The following TPRG1 variants were observed in gnomAD, a reference collection of about 807,000 sequenced individuals.
TPRG1 encodes the protein tumor protein p63 regulated 1.
Under a neutral mutation model 29.3 loss-of-function variants are expected in TPRG1, and 29 were observed. The ratio of observed to expected loss-of-function variants is 0.99; its 90% CI spans 0.74 to 1.35. The LOEUF (loss-of-function observed/expected upper bound fraction) is 1.35, where lower values mean the gene tolerates loss of function less well. Ranked by LOEUF, TPRG1 falls within the 40% of genes most tolerant of loss-of-function variation. The probability of loss-of-function intolerance (pLI) is 0.00; values close to 1 mark genes in which losing one functional copy is unlikely to be tolerated. For missense variants in TPRG1, 327 were observed against 335.0 expected (o/e 0.98, Z 0.19); for synonymous variants, 130 against 116.8 (o/e 1.11, Z -0.73).
At chr3:189,003,353 T>G (rs73062685) in intron 2 of TPRG1, among the ~76,000 whole-genome samples, 2,283 of 152,250 alleles carry the variant, frequency 0.015, 63 homozygotes, top group African/African-American at 0.053. Flanking sequence ...GCCCCATGGC[T>G]CTGTGTCACT....
intron 3 of TPRG1, among the ~76,000 whole-genome samples, chr3:189,140,579 C>G (rs978189188): frequency 6.6e-6 from 1 of 152,134 alleles, no homozygotes; most frequent in Non-Finnish European, 1.5e-5. Context: ...TCTTGCACCC[C>G]GCTGGTGTCC....
chr3:189,167,308 G>A (rs762102334), upstream of TPRG1, among the ~76,000 whole-genome samples: 10 of 152,176 alleles, frequency 6.6e-5, no homozygotes, highest in Non-Finnish European at 1.2e-4. Flanking sequence ...GGTGGAGACT[G>A]TGGCAAGTTT....
chr3:189,000,216 T>C (rs1711961244), intron 1 of TPRG1, among the ~76,000 whole-genome samples: 2 of 152,134 alleles, frequency 1.3e-5, no homozygotes, highest in Admixed American at 1.3e-4. Flanking sequence ...TTACCTGCTA[T>C]TTTTGCTTCA....
At chr3:189,311,186 T>C (rs1722425175) in intron 5 of TPRG1, among the ~76,000 whole-genome samples, 3 of 152,180 alleles carry the variant, frequency 2.0e-5, no homozygotes, top group Non-Finnish European at 2.9e-5. Context: ...GCATTCTAAG[T>C]AGTCAAGAAG....
chr3:189,084,572 A>C (rs1717812109), intron 4 of TPRG1, among the ~76,000 whole-genome samples: 1 of 152,236 alleles, frequency 6.6e-6, no homozygotes, highest in African/African-American at 2.4e-5. Context: ...AACTTTGCTT[A>C]ATTAGGTTAA....
chr3:189,280,775 A>G (rs749689514), intron 4 of TPRG1, among the ~76,000 whole-genome samples: 2 of 152,196 alleles, frequency 1.3e-5, no homozygotes, highest in Non-Finnish European at 2.9e-5. Context: ...TTGCTCTGTA[A>G]TATATGAATG....
At chr3:189,135,101 G>A (rs1018381693) in intron 3 of TPRG1, among the ~76,000 whole-genome samples, 3 of 152,166 alleles carry the variant, frequency 2.0e-5, no homozygotes, top group Non-Finnish European at 4.4e-5. Flanking sequence ...TACTTCTGTC[G>A]TCAGATGCAG....
At chr3:189,073,442 G>A (rs932764917) in intron 4 of TPRG1, among the ~76,000 whole-genome samples, 8 of 151,780 alleles carry the variant, frequency 5.3e-5, no homozygotes, top group Non-Finnish European at 7.4e-5. Flanking sequence ...TCTTTTTTTC[G>A]CCCCTTTGGA....
At chr3:189,317,847 C>A (rs1284025252) in intron 5 of TPRG1, among the ~76,000 whole-genome samples, 1 of 152,092 alleles carries the variant, frequency 6.6e-6, no homozygotes, top group Non-Finnish European at 1.5e-5. Flanking sequence ...TATGTGTGTG[C>A]ATATATCTGC....
At chr3:189,256,000 GTC>G (rs913711438) in intron 4 of TPRG1, among the ~76,000 whole-genome samples, 1 of 151,856 alleles carries the variant, frequency 6.6e-6, no homozygotes, top group Non-Finnish European at 1.5e-5. Context: ...GGTTTTTTGT[GTC>G]TCTATCTCCT....
At chr3:189,039,065 A>G (rs1454010431) in intron 4 of TPRG1, among the ~76,000 whole-genome samples, 3 of 152,228 alleles carry the variant, frequency 2.0e-5, no homozygotes, top group African/African-American at 4.8e-5. Flanking sequence ...TTGGAAGTAT[A>G]TGTATATATA....
chr3:189,271,363 T>C (rs887056300), intron 4 of TPRG1, among the ~76,000 whole-genome samples: 1 of 152,212 alleles, frequency 6.6e-6, no homozygotes, highest in Admixed American at 6.5e-5. Context: ...CCTGTGTTTA[T>C]GATGATGCCT....
intron 5 of TPRG1, among the ~76,000 whole-genome samples, chr3:189,154,945 C>T (rs774258759): frequency 6.6e-6 from 1 of 152,162 alleles, no homozygotes; most frequent in Non-Finnish European, 1.5e-5. Context: ...GTAGTCCCTG[C>T]TAAAACAGTG....
At chr3:189,003,461 G>A (rs191240627) in intron 2 of TPRG1, among the ~76,000 whole-genome samples, 1 of 152,100 alleles carries the variant, frequency 6.6e-6, no homozygotes, top group Non-Finnish European at 1.5e-5. Flanking sequence ...CTTTTACCTA[G>A]GATTCCAGTT....
At chr3:189,122,313 A>G (rs1721923525) in intron 1 of TPRG1, among the ~76,000 whole-genome samples, 1 of 152,242 alleles carries the variant, frequency 6.6e-6, no homozygotes, top group African/African-American at 2.4e-5. Context: ...TGATCTCCAC[A>G]AGATGCATAC....
At chr3:189,103,796 G>T (rs1719489820) in intron 1 of TPRG1, among the ~76,000 whole-genome samples, 1 of 152,144 alleles carries the variant, frequency 6.6e-6, no homozygotes, top group Admixed American at 6.5e-5. Flanking sequence ...TCTGTCTTGT[G>T]TCTCTGCTGT....
intron 3 of TPRG1, among the ~76,000 whole-genome samples, chr3:189,022,657 A>G (rs1242670685): frequency 6.6e-6 from 1 of 152,198 alleles, no homozygotes; most frequent in African/African-American, 2.4e-5. Context: ...GGGACATTTA[A>G]GTCTGCAGAG....
chr3:189,052,931 G>C (rs371720852), intron 4 of TPRG1, among the ~76,000 whole-genome samples: 1 of 152,264 alleles, frequency 6.6e-6, no homozygotes, highest in South Asian at 2.1e-4. Context: ...GGGGACTTGG[G>C]GGGAAGAGTG....
chr3:189,309,455 G>C (rs752761041), intron 4 of TPRG1, among the ~76,000 whole-genome samples: 1 of 152,130 alleles, frequency 6.6e-6, no homozygotes, highest in Non-Finnish European at 1.5e-5. Context: ...GTTCCATAGG[G>C]CTGTTTAGAA....
Sources: allele counts gnomAD v4.1 joint callset (sites outside exome capture counted in the v4.1 genomes callset), GRCh38; gene constraint gnomAD v4.1.1; transcripts MANE v1.5; gene names NCBI Gene and HGNC (gene_info 2026-07-23, HGNC 2026-07-21).